The following MYO1B variants were observed in gnomAD, a reference collection of about 807,000 sequenced individuals.
MYO1B encodes myosin IB.
A neutral mutation model predicts 159.7 loss-of-function variants in MYO1B; 72 were observed. The ratio of observed to expected loss-of-function variants is 0.45; its 90% CI spans 0.37 to 0.55. The LOEUF (loss-of-function observed/expected upper bound fraction) is 0.55, where lower values mean the gene tolerates loss of function less well. Ranked by LOEUF, MYO1B falls within the 20% of genes least tolerant of loss-of-function variation. MYO1B has a pLI of 0.00. For synonymous variants in MYO1B, 468 were observed against 473.8 expected, an observed-to-expected ratio of 0.99 and a Z score of 0.16; for missense variants, 1,062 against 1,364.8, an observed-to-expected ratio of 0.78 and a Z score of 3.50.
At chr2:191,340,460 T>C (rs968659863) in intron 4 of MYO1B, among the ~76,000 whole-genome samples, 2 of 152,186 alleles carry the variant, frequency 1.3e-5, no homozygotes, top group Non-Finnish European at 2.9e-5. Flanking sequence ...GGACACGGAC[T>C]GATAGGGAAG....
intron 23 of MYO1B, among the ~76,000 whole-genome samples, chr2:191,401,048 A>G (rs1038800423): frequency 6.6e-6 from 1 of 152,212 alleles, no homozygotes; most frequent in Non-Finnish European, 1.5e-5. Flanking sequence ...ATTGCTTACT[A>G]AAAAGGCACT....
At chr2:191,296,814 C>T (rs917923518) in intron 3 of MYO1B, among the ~76,000 whole-genome samples, 2 of 152,162 alleles carry the variant, frequency 1.3e-5, no homozygotes, top group East Asian at 1.9e-4. Flanking sequence ...TAGAGTTCTT[C>T]GTTGACGTGC....
At chr2:191,346,980 GCTGCAGGAAATATTGAGT>G (rs934383412) in intron 6 of MYO1B, among the ~76,000 whole-genome samples, 9 of 152,190 alleles carry the variant, frequency 5.9e-5, no homozygotes, top group Non-Finnish European at 1.2e-4. Flanking sequence ...CCTGGATGCA[GCTGCAGGAAATATTGAGT>G]CTGATGGTGG....
chr2:191,331,029 A>G (rs1454701986), intron 4 of MYO1B, among the ~76,000 whole-genome samples: 3 of 152,198 alleles, frequency 2.0e-5, no homozygotes, highest in Non-Finnish European at 4.4e-5. Flanking sequence ...CACTATCTAC[A>G]TCGAAATGGT....
chr2:191,304,868 T>G (rs978517132), intron 3 of MYO1B, among the ~76,000 whole-genome samples: 1 of 152,158 alleles, frequency 6.6e-6, no homozygotes, highest in African/African-American at 2.4e-5. Flanking sequence ...TCGAAAGAGT[T>G]TATTGTAAAA....
At chr2:191,305,622 G>C (rs151297636) in intron 3 of MYO1B, among the ~76,000 whole-genome samples, 1 of 152,246 alleles carries the variant, frequency 6.6e-6, no homozygotes, top group South Asian at 2.1e-4. Flanking sequence ...ACAGGCTGGC[G>C]TGGGAGACAG....
intron 16 of MYO1B, 141 bp from the exon 17 acceptor site, chr2:191,387,083 G>T: frequency 1.3e-6 from 1 of 745,134 alleles, no homozygotes. Flanking sequence ...AACTCATTAT[G>T]AGAGTGTGAC....
rs146248210 is a variant in MYO1B at position 191,282,205 on chromosome 2, A to T, written c.135+5175A>T. Among the ~76,000 whole-genome samples, 80 of 152,358 alleles carry T rather than the reference A, an allele frequency of 5.3e-4. No homozygotes were observed. The East Asian group carries it at 0.015, about 29-fold the overall frequency. ...TAGTAGTTTTCTCTTGCTACAAAATAAAGTGCACAGACTTAGCAACTTAGA... is the reference window on the plus strand; with the variant it reads ...TAGTAGTTTTCTCTTGCTACAAAATTAAGTGCACAGACTTAGCAACTTAGA... On this transcript the variant is annotated intron_variant, in intron 2 of 30. Coordinates refer to ENST00000392318, the MANE Select transcript of MYO1B (RefSeq NM_001130158.3).
intron 4 of MYO1B, among the ~76,000 whole-genome samples, chr2:191,340,259 A>C (rs1331010919): frequency 6.6e-6 from 1 of 152,002 alleles, no homozygotes; most frequent in Non-Finnish European, 1.5e-5. Flanking sequence ...ATCCTTTTTT[A>C]GAGTTCAGCA....
chr2:191,302,218 A>G (rs1419404796), intron 3 of MYO1B, among the ~76,000 whole-genome samples: 1 of 152,012 alleles, frequency 6.6e-6, no homozygotes, highest in Admixed American at 6.6e-5. Flanking sequence ...TCGTCAACAC[A>G]CCTCTTCTTG....
In MYO1B at chr2:191,367,793, A is replaced by G. The variant is rs77237933; in HGVS notation, c.1033-1749A>G. Among the ~76,000 whole-genome samples, 33 of 152,332 alleles carry G rather than the reference A, an allele frequency of 2.2e-4. 1 individual carries two copies. The East Asian group carries it at 6.2e-3, about 28-fold the overall frequency. ...AAGGATTTGGAAATTATATAGCCTC[A>G]TGAGGTAGTAGTAGACGAAAAGGAT... is the stretch of plus-strand genomic sequence containing the variant. On this transcript the variant is annotated intron_variant, in intron 11 of 30. Coordinates refer to ENST00000392318, the MANE Select transcript of MYO1B (RefSeq NM_001130158.3).
At chr2:191,371,230 A>C (rs1234161485) in intron 13 of MYO1B, among the ~76,000 whole-genome samples, 2 of 152,182 alleles carry the variant, frequency 1.3e-5, no homozygotes, top group Non-Finnish European at 2.9e-5. Context: ...TTAAGGAACC[A>C]GGCTCTGCCC....
chr2:191,248,531 C>G (rs1474147205), intron 1 of MYO1B, among the ~76,000 whole-genome samples: 2 of 152,242 alleles, frequency 1.3e-5, no homozygotes, highest in Admixed American at 6.5e-5. Flanking sequence ...GTGTAGCTGA[C>G]TGGGAGCTGC....
At chr2:191,336,352 A>G (rs186060431) in intron 4 of MYO1B, among the ~76,000 whole-genome samples, 21 of 152,296 alleles carry the variant, frequency 1.4e-4, no homozygotes, top group Admixed American at 7.8e-4. Context: ...TAGCCTAAAC[A>G]TTGGCGAGCA....
At chr2:191,412,611 C>T (rs374143868) in intron 27 of MYO1B, among the ~76,000 whole-genome samples, 4 of 152,330 alleles carry the variant, frequency 2.6e-5, no homozygotes, top group East Asian at 1.9e-4. Context: ...TGACCACCTA[C>T]GTGGATTTTT....
intron 3 of MYO1B, among the ~76,000 whole-genome samples, chr2:191,322,682 G>T (rs1256238058): frequency 2.0e-5 from 3 of 152,134 alleles, no homozygotes; most frequent in Non-Finnish European, 4.4e-5. Flanking sequence ...ATTATTTTCT[G>T]TAACTAGGAT....
At chr2:191,338,411 A>G (rs1391531462) in intron 4 of MYO1B, among the ~76,000 whole-genome samples, 1 of 152,176 alleles carries the variant, frequency 6.6e-6, no homozygotes, top group Non-Finnish European at 1.5e-5. Flanking sequence ...TTTCAGTTTA[A>G]ATGAATCCAT....
rs181156181 is a variant in MYO1B, at chr2:191,311,795, T to C, written c.251+15569T>C. ...AATGAACACATGTAGCTATTTAAGATTACATGATAGAGTGAGTCATGGCTA... is the reference window on the plus strand; with the variant it reads ...AATGAACACATGTAGCTATTTAAGACTACATGATAGAGTGAGTCATGGCTA... On this transcript the variant is annotated intron_variant, in intron 3 of 30. Transcript: ENST00000392318. Among the ~76,000 whole-genome samples, 241 of 152,318 alleles carry C rather than the reference T, an allele frequency of 1.6e-3. 1 individual carries two copies. Among genetic ancestry groups the C allele is most frequent in the African/African-American group, 5.5e-3 (228 of 41,574 alleles).
chr2:191,331,540 C>T (rs541043039), intron 4 of MYO1B, among the ~76,000 whole-genome samples: 6 of 152,298 alleles, frequency 3.9e-5, no homozygotes, highest in African/African-American at 1.4e-4. Context: ...TTGAAGTCAA[C>T]ATTTTATCTT....
Sources: allele counts gnomAD v4.1 joint callset (sites outside exome capture counted in the v4.1 genomes callset), GRCh38; gene constraint gnomAD v4.1.1; transcripts MANE v1.5; gene names NCBI Gene and HGNC (gene_info 2026-07-23, HGNC 2026-07-21).